The following PCLO variants were observed in gnomAD, a reference collection of about 807,000 sequenced individuals.
PCLO encodes protein piccolo.
Under a neutral mutation model 427.5 loss-of-function variants are expected in PCLO, and 82 were observed. That is an observed-to-expected ratio of 0.19 (90% CI 0.16 to 0.23). The LOEUF is 0.23. Among genes scored for constraint, PCLO ranks in the 10% least tolerant of loss-of-function variants. The pLI is 1.00. For missense variants in PCLO, 6,239 were observed against 6,115.9 expected, an observed-to-expected ratio of 1.02 and a Z score of -0.67; for synonymous variants, 2,357 against 2,155.4, an observed-to-expected ratio of 1.09 and a Z score of -2.59.
At chr7:83,030,154 C>G (rs13236747) in intron 3 of PCLO, among the ~76,000 whole-genome samples, 13,823 of 146,984 alleles carry the variant, frequency 0.094, 918 homozygotes, top group Non-Finnish European at 0.14. Context: ...AGACTCAGCT[C>G]AGCTTTAAGA....
rs1291160568 is a variant in PCLO, at chr7:82,952,964, G to A, written c.7989C>T (p.Pro2663=). The A allele has an allele frequency of 1.9e-6, 3 of 1,613,872 alleles. No individual in the cohort carries two copies. Among genetic ancestry groups the A allele is most frequent in the Non-Finnish European group, 2.5e-6 (3 of 1,179,836 alleles). The change falls in exon 5 of 25, where the codon CCC becomes CCT. Residue 2663 remains proline (P), a synonymous_variant. Transcript: ENST00000333891. ...TAGTGAGAAACTGTGTAACTGATGT[G>A]GGAGCTGCTTGAAATGAAGAGGGTG... ...VTAPSSFQAA[P]TSVTQFLTTE...
chr7:83,059,025 C>T (rs1326791119), intron 3 of PCLO, among the ~76,000 whole-genome samples: 4 of 151,780 alleles, frequency 2.6e-5, no homozygotes, highest in Admixed American at 6.6e-5. Flanking sequence ...TTCCTTCTTA[C>T]ATTTATTCTT....
At chr7:82,860,422 GA>G (rs964577104) in intron 10 of PCLO, among the ~76,000 whole-genome samples, 11 of 151,830 alleles carry the variant, frequency 7.2e-5, no homozygotes, top group African/African-American at 2.7e-4. Flanking sequence ...AAATGCTGAA[GA>G]AAAAAATCTT....
chr7:83,059,388 A>ATATATATATATAT (rs1789488753), intron 3 of PCLO, among the ~76,000 whole-genome samples: 1 of 143,342 alleles, frequency 7.0e-6, no homozygotes, highest in Non-Finnish European at 1.5e-5. Flanking sequence ...ATAAAAATGA[A>ATATATATATATAT]AAATAAGGTG....
chr7:83,136,259 A>G lies in PCLO; in HGVS notation c.1894-603T>C, dbSNP rs185689211. Among the ~76,000 whole-genome samples, 39 of 152,244 alleles carry G rather than the reference A, an allele frequency of 2.6e-4. No individual in the cohort carries two copies. The East Asian group carries it at 7.3e-3, about 29-fold the overall frequency. On this transcript the variant is annotated intron_variant, in intron 2 of 24. Coordinates refer to ENST00000333891, the MANE Select transcript of PCLO (RefSeq NM_033026.6). ...AAATTTTGATTATCCCCAGAAATAG[A>G]AAACCATGTATAATTTAAGAAAAAG...
chr7:83,016,172 C>T lies in PCLO; in HGVS notation c.3301-49685G>A, dbSNP rs1788201782. ...ACACCCACTATCAGAGGCCCAACAA[C>T]AGATGGACTGACTAAGAATTAGCAG... On this transcript the variant is annotated intron_variant, in intron 3 of 24. Transcript: ENST00000333891. Among the ~76,000 whole-genome samples, 3 of 151,968 alleles carry T rather than the reference C, an allele frequency of 2.0e-5. No individual in the cohort carries two copies. The South Asian group carries it at 6.2e-4, about 32-fold the overall frequency.
chr7:82,797,261 G>A (rs539645652), intron 22 of PCLO, among the ~76,000 whole-genome samples: 1 of 152,166 alleles, frequency 6.6e-6, no homozygotes, highest in Non-Finnish European at 1.5e-5. Context: ...TTCATGGAAA[G>A]TTGTGATTGT....
chr7:82,821,258 T>C, intron 20 of PCLO: 1 of 987,070 alleles, frequency 1.0e-6, no homozygotes, highest in Non-Finnish European at 1.2e-6. Flanking sequence ...TCTGTGCTGC[T>C]TCCTGGCATG....
Position 83,064,020 on chromosome 7 carries a change from G to A in PCLO, c.3300+70230C>T, listed in dbSNP as rs1392364276. Reference sequence around the variant, plus strand: ...CTCTAATTCAATGAAAACCTATTAAGGCCCTTCCATGGGCAAGCTCCTACA... The same window carrying A: ...CTCTAATTCAATGAAAACCTATTAAAGCCCTTCCATGGGCAAGCTCCTACA... On this transcript the variant is annotated intron_variant, in intron 3 of 24. Transcript: ENST00000333891. Among the ~76,000 whole-genome samples the A allele has an allele frequency of 2.0e-5, 3 of 151,962 alleles. No individual in the cohort carries two copies. In the East Asian group the frequency reaches 5.8e-4, roughly 29 times the overall value.
intron 16 of PCLO, among the ~76,000 whole-genome samples, chr7:82,830,751 C>T (rs1330437781): frequency 6.6e-6 from 1 of 151,892 alleles, no homozygotes; most frequent in Non-Finnish European, 1.5e-5. Context: ...AACCCATGTA[C>T]TATCACTAAA....
At position 82,953,569 on chromosome 7, in the gene PCLO, G is replaced by C. The variant is rs750482931; in HGVS notation, c.7384C>G (p.Leu2462Val). The part of the protein sequence containing the change: ...ATPLFDAVTT[L>V]ETTAVLRSNG... ...CTTCTCAGAACAGCTGTGGTCTCTA[G>C]AGTAGTAACAGCATCAAACAGAGGT... is the stretch of plus-strand genomic sequence containing the variant. The change falls in exon 5 of 25, where the codon CTA becomes GTA. Residue 2462 changes from leucine (L) to valine (V), a missense_variant. Around this residue, in one of 5 missense-constraint regions of PCLO, gnomAD observed 4,677 missense variants for 4,468.4 expected, o/e 1.05. Coordinates refer to ENST00000333891, the MANE Select transcript of PCLO (RefSeq NM_033026.6). The C allele has an allele frequency of 6.2e-7, 1 of 1,612,738 alleles. No homozygotes were observed. The highest frequency in any genetic ancestry group is 1.7e-5 in the Admixed American group (1 of 59,924).
intron 3 of PCLO, among the ~76,000 whole-genome samples, chr7:83,120,159 T>C (rs1771567971): frequency 6.6e-6 from 1 of 151,900 alleles, no homozygotes; most frequent in Admixed American, 6.6e-5. Context: ...TCCCAGAGCT[T>C]TGGGAGGCCA....
chr7:82,877,507 C>T (rs1006257819), intron 10 of PCLO, among the ~76,000 whole-genome samples: 3 of 151,998 alleles, frequency 2.0e-5, no homozygotes, highest in Non-Finnish European at 4.4e-5. Flanking sequence ...TATCATTGGG[C>T]GTGAAAGGGT....
chr7:82,847,688 T>C (rs908496114), intron 10 of PCLO, among the ~76,000 whole-genome samples: 9 of 152,206 alleles, frequency 5.9e-5, no homozygotes, highest in Non-Finnish European at 1.3e-4. Flanking sequence ...AAAAAAGTCA[T>C]TTGGATTTCT....
rs778608512 is a variant in PCLO, at chr7:82,950,852, G to A, written c.9736C>T (p.Arg3246Ter). Reference sequence around the variant, plus strand: ...TGAACCATGATCTTTTCTTGTTCTCGGAACCTTTGAATTTCCTGACGTTCC... The same window carrying A: ...TGAACCATGATCTTTTCTTGTTCTCAGAACCTTTGAATTTCCTGACGTTCC... ...EWERQEIQRF[R>*]EQEKIMVQKK... Residue 3246 changes from arginine (R) to a stop codon, truncating the protein, a stop_gained, in exon 6 of 25, where the codon CGA (arginine) becomes TGA (stop). Coordinates refer to ENST00000333891, the MANE Select transcript of PCLO (RefSeq NM_033026.6). LOFTEE classifies it high-confidence loss of function. 6.2e-7 allele frequency: 1 copy of A among 1,613,464 alleles called. No individual in the cohort carries two copies.
chr7:83,110,121 T>C (rs1301400577), intron 3 of PCLO, among the ~76,000 whole-genome samples: 3 of 151,270 alleles, frequency 2.0e-5, no homozygotes, highest in African/African-American at 4.9e-5. Context: ...CAACTTACAA[T>C]GTACCATGTT....
chr7:83,146,972 T>C (rs1396216546), intron 2 of PCLO, among the ~76,000 whole-genome samples: 1 of 150,886 alleles, frequency 6.6e-6, no homozygotes, highest in Admixed American at 6.6e-5. Context: ...GCTACTAATA[T>C]ATAACAACAG....
chr7:82,939,093 C>T (rs1795021532), intron 6 of PCLO, among the ~76,000 whole-genome samples: 1 of 152,060 alleles, frequency 6.6e-6, no homozygotes, highest in African/African-American at 2.4e-5. Context: ...CAGCAAATCA[C>T]TCGTCCATAA....
intron 3 of PCLO, among the ~76,000 whole-genome samples, chr7:83,097,411 A>C (rs55792206): frequency 0.46 from 65,351 of 143,314 alleles, 15,285 homozygotes; most frequent in East Asian, 0.71. Flanking sequence ...AGTCCCAGCT[A>C]CTCGGGAGGC....
Sources: gnomAD v4.1 joint callset for allele counts (sites outside exome capture counted in the v4.1 genomes callset) on GRCh38, gnomAD v4.1.1 for gene constraint, gnomAD v4.1.1 regional missense constraint, MANE v1.5 for transcripts, NCBI Gene and HGNC (gene_info 2026-07-23, HGNC 2026-07-21) for gene names.